IAH1: variants seen among roughly 807,000 people sequenced by gnomAD.
IAH1 encodes the protein isoamyl acetate-hydrolyzing esterase 1 homolog.
Under a neutral mutation model 26.7 loss-of-function variants are expected in IAH1, and 24 were observed. The observed-to-expected ratio is 0.90, with a 90% CI of 0.65 to 1.26. The LOEUF (loss-of-function observed/expected upper bound fraction) is 1.26, where lower values mean the gene tolerates loss of function less well. Ranked by LOEUF, IAH1 falls within the 50% of genes most tolerant of loss-of-function variation. The pLI is 0.00. For missense variants in IAH1, 300 were observed against 299.9 expected (o/e 1.00, Z 0.00); for synonymous variants, 140 against 118.5 (o/e 1.18, Z -1.18).
chr2:9,493,752 G>C, downstream of IAH1: 1 of 1,613,420 alleles, frequency 6.2e-7, no homozygotes, highest in Non-Finnish European at 8.5e-7. Context: ...CCTACCAAAA[G>C]TATTGATGCT....
Position 9,476,020 on chromosome 2 carries a change from C to G in IAH1, c.115C>G (p.Leu39Val), listed in dbSNP as rs767871436. The G allele has an allele frequency of 6.2e-7, 1 of 1,613,740 alleles. No homozygotes were observed. The highest frequency in any genetic ancestry group is 8.5e-7 in the Non-Finnish European group (1 of 1,179,890). ...CCAGCAGGGTGGATGGGGAGCATCGCTGGCTGACAGGCTGGTCAGGTGAGA... is the reference window on the plus strand; with the variant it reads ...CCAGCAGGGTGGATGGGGAGCATCGGTGGCTGACAGGCTGGTCAGGTGAGA... ...SFQQGGWGAS[L>V]ADRLVRKCDV... The change falls in exon 2 of 6, where the codon CTG (leucine) becomes GTG (valine). Residue 39 changes from leucine to valine, a missense_variant. Transcript: ENST00000497473.
intron 6 of IAH1, chr2:9,496,251 C>A (rs1428126779): frequency 6.6e-6 from 1 of 152,188 alleles, no homozygotes; most frequent in Non-Finnish European, 1.5e-5. Flanking sequence ...GCCTCAGCCT[C>A]CCTAGCAGCT....
chr2:9,508,991 C>A, the IAH1 span, among the ~76,000 whole-genome samples: 1 of 150,234 alleles, frequency 6.7e-6, no homozygotes, highest in Non-Finnish European at 1.5e-5. Context: ...CATAAAAAGC[C>A]AAAAAAAAAT....
chr2:9,493,010 A>G (rs929033186), downstream of IAH1: 5 of 1,573,480 alleles, frequency 3.2e-6, no homozygotes, highest in Middle Eastern at 1.7e-4. Context: ...CAAACAGTTA[A>G]TGTCTTGACC....
chr2:9,492,421 TA>T (rs894817500), downstream of IAH1, among the ~76,000 whole-genome samples: 1 of 152,234 alleles, frequency 6.6e-6, no homozygotes, highest in Non-Finnish European at 1.5e-5. Context: ...GGGGAAGATG[TA>T]AATACTCTAT....
At chr2:9,482,274 C>T (rs1339974900) in intron 4 of IAH1, among the ~76,000 whole-genome samples, 4 of 152,070 alleles carry the variant, frequency 2.6e-5, no homozygotes, top group Non-Finnish European at 4.4e-5. Flanking sequence ...GTAATCTGCC[C>T]GACTCAGCCT....
chr2:9,490,439 C>T (rs538865826), downstream of IAH1: 11 of 1,614,112 alleles, frequency 6.8e-6, no homozygotes, highest in Middle Eastern at 1.7e-4. Flanking sequence ...AGGCTGCAGG[C>T]GGCCTGGAGT....
At chr2:9,501,606 T>TATAG in the IAH1 span, among the ~76,000 whole-genome samples, 1 of 152,208 alleles carries the variant, frequency 6.6e-6, no homozygotes, top group Non-Finnish European at 1.5e-5. Context: ...GTGAAATACA[T>TATAG]ATAGATACAT....
intron 4 of IAH1, among the ~76,000 whole-genome samples, chr2:9,483,750 T>G (rs1661317368): frequency 6.6e-6 from 1 of 152,140 alleles, no homozygotes; most frequent in Non-Finnish European, 1.5e-5. Context: ...CCTGGGAGGA[T>G]GAGGCAGCCT....
In IAH1 at chr2:9,489,157, TTTGTTGTTG is replaced by T. The variant is rs34423700; in HGVS notation, c.*837_*845del. On this transcript the variant is annotated 3_prime_UTR_variant, in exon 6 of 6. Coordinates refer to ENST00000497473, the MANE Select transcript of IAH1 (RefSeq NM_001039613.3). ...ATCACATTCAAAACAACCTGTTTTT[TTTGTTGTTG>T]TTGTTGTTAAGAAATATCTCACCCT... The T allele has an allele frequency of 6.8e-6, 1 of 146,244 alleles. No homozygotes were observed. The highest frequency in any genetic ancestry group is 2.5e-5 in the African/African-American group (1 of 40,278). 9.1% of individuals were successfully genotyped at this position (146,244 alleles called of 1,614,324 possible).
In IAH1 at chr2:9,488,452, A is replaced by G. The variant is rs1661764353; in HGVS notation, c.*123A>G. ...CTGATATTAATAATAAAAGTATTAG[A>G]TGATTTTTCAGGGAAGTTTTATACT... On this transcript the variant is annotated 3_prime_UTR_variant, in exon 6 of 6. Transcript: ENST00000497473. The G allele has an allele frequency of 2.8e-6, 2 of 707,188 alleles. No individual in the cohort carries two copies. The highest frequency in any genetic ancestry group is 2.5e-5 in the South Asian group (1 of 39,276). 43.8% of individuals were successfully genotyped at this position (707,188 alleles called of 1,614,324 possible). A position where few individuals can be genotyped will look rare whatever the true frequency, so the allele number is the denominator to read the frequency against.
chr2:9,491,359 A>AAAT (rs1662131723), downstream of IAH1, among the ~76,000 whole-genome samples: 1 of 152,212 alleles, frequency 6.6e-6, no homozygotes, highest in Non-Finnish European at 1.5e-5. Flanking sequence ...CACTCAAAGG[A>AAAT]AATACATTTT....
At chr2:9,478,440 A>C in intron 3 of IAH1, 70 bp downstream of exon 3, 1 of 1,416,422 alleles carries the variant, frequency 7.1e-7, no homozygotes, top group Non-Finnish European at 9.6e-7. Flanking sequence ...CTTGCATTTA[A>C]TATACTTTTT....
downstream of IAH1, chr2:9,497,065 C>CA: frequency 6.3e-7 from 1 of 1,595,894 alleles, no homozygotes. Flanking sequence ...GCCTGGCAGA[C>CA]AAAGGCCATG....
At chr2:9,486,728 CTG>C (rs1245153911) in intron 5 of IAH1, 1 of 151,818 alleles carries the variant, frequency 6.6e-6, no homozygotes, top group African/African-American at 2.4e-5. Flanking sequence ...ACTTGGGAGG[CTG>C]AGGCAGGAGA....
At chr2:9,508,643 TAC>T in the IAH1 span, among the ~76,000 whole-genome samples, 19 of 152,306 alleles carry the variant, frequency 1.2e-4, no homozygotes, top group East Asian at 2.3e-3. Context: ...AAATAGAATT[TAC>T]AATTCAGTTC....
chr2:9,474,693 G>C lies in IAH1; in HGVS notation c.81+46G>C. 1.4e-6 allele frequency: 2 copies of C among 1,428,500 alleles called. No homozygotes were observed. Among genetic ancestry groups the C allele is most frequent in the Non-Finnish European group, 1.9e-6 (2 of 1,057,658 alleles). 88.5% of individuals were successfully genotyped at this position (1,428,500 alleles called of 1,614,324 possible). On this transcript the variant is annotated intron_variant, in intron 1 of 5. Coordinates refer to ENST00000497473, the MANE Select transcript of IAH1 (RefSeq NM_001039613.3). The surrounding 1 kb of genome is among the most constrained non-coding windows in gnomAD (Gnocchi z 4.3). ...GGCCTCCCGCCCCGGCCTCCCTGCG[G>C]GGTCGCTGCCGAGCAGGCCGAGGCT...
intron 3 of IAH1, among the ~76,000 whole-genome samples, chr2:9,479,871 C>T (rs1175850440): frequency 3.2e-5 from 4 of 125,392 alleles, no homozygotes; most frequent in Admixed American, 1.1e-4. Context: ...TGAAGTGATA[C>T]GGTCTCGGCT....
At chr2:9,487,786 TTTTGTGTGTGTGTGTG>T (rs1251928088) in intron 5 of IAH1, among the ~76,000 whole-genome samples, 39 of 117,416 alleles carry the variant, frequency 3.3e-4, no homozygotes, top group Non-Finnish European at 6.4e-4. Flanking sequence ...TCCCCGGCCT[TTTTGTGTGTGTGTGTG>T]TGTGTGTGTG....
Sources: gnomAD v4.1 joint callset for allele counts (sites outside exome capture counted in the v4.1 genomes callset) on GRCh38, gnomAD v4.1.1 for gene constraint, Gnocchi (gnomAD v3.1) non-coding constraint, MANE v1.5 for transcripts, NCBI Gene and HGNC (gene_info 2026-07-23, HGNC 2026-07-21) for gene names.